GBF1: variants seen among roughly 807,000 people sequenced by gnomAD.
GBF1 encodes Golgi-specific brefeldin A-resistance guanine nucleotide exchange factor 1.
GBF1 carries 114 observed loss-of-function variants against 210.5 expected under a neutral mutation model. The ratio of observed to expected loss-of-function variants is 0.54; its 90% confidence interval spans 0.47 to 0.63. The LOEUF (loss-of-function observed/expected upper bound fraction) is 0.63. Ranked by LOEUF, GBF1 falls within the 30% of genes least tolerant of loss-of-function variation. The pLI is 0.00. For synonymous variants in GBF1, 850 were observed against 889.2 expected (o/e 0.96, Z 0.78); for missense variants, 1,851 against 2,357.7 (o/e 0.79, Z 4.45).
chr10:102,352,890 C>T (rs1329484509), intron 7 of GBF1, among the ~76,000 whole-genome samples: 3 of 152,110 alleles, frequency 2.0e-5, no homozygotes, highest in African/African-American at 7.2e-5. Flanking sequence ...TTGTGAATTG[C>T]CTGGGACTGT....
At chr10:102,370,343 T>G (rs1368162595) in intron 27 of GBF1, 41 bp from the exon 28 acceptor site, 1 of 1,527,412 alleles carries the variant, frequency 6.5e-7, no homozygotes, top group Middle Eastern at 1.7e-4. Flanking sequence ...AGTGGTTGGC[T>G]TCTTTTCCAT....
chr10:102,324,643 G>C (rs1380511047), intron 3 of GBF1, among the ~76,000 whole-genome samples: 1 of 152,096 alleles, frequency 6.6e-6, no homozygotes. Flanking sequence ...CTGGAGTGCA[G>C]TGGCGCAATC....
Position 102,370,209 on chromosome 10 carries a change from G to C in GBF1, c.3375G>C (p.Lys1125Asn). 6.2e-7 allele frequency: 1 copy of C among 1,612,980 alleles called. No homozygotes were observed. Among genetic ancestry groups the C allele is most frequent in the Non-Finnish European group, 8.5e-7 (1 of 1,179,022 alleles). The change falls in exon 27 of 40, where the codon AAG becomes AAC. Residue 1125 changes from lysine (K) to asparagine (N), a missense_variant. Transcript: ENST00000369983. ...CAGAAAAAATGATCACAGAAAGCAA[G>C]TTCCTCCAGCTGGAGTCACTACAGG... ...CDPEKMITES[K>N]FLQLESLQEL...
At chr10:102,310,911 G>A (rs2078361967) in intron 3 of GBF1, among the ~76,000 whole-genome samples, 1 of 152,208 alleles carries the variant, frequency 6.6e-6, no homozygotes, top group Non-Finnish European at 1.5e-5. Context: ...AGCATTCCTG[G>A]AGCCTGATGC....
At chr10:102,352,627 C>A in intron 7 of GBF1, 109 bp downstream of exon 7, 1 of 753,502 alleles carries the variant, frequency 1.3e-6, no homozygotes, top group Non-Finnish European at 2.4e-6. Context: ...GCATCAGAGG[C>A]CACTGGGATT....
At chr10:102,230,751 C>T in the GBF1 span, 1 of 1,488,506 alleles carries the variant, frequency 6.7e-7, no homozygotes. Flanking sequence ...CCGGAGCCAG[C>T]CCGGGGGGGC....
At chr10:102,297,618 C>T (rs1241564646) in intron 3 of GBF1, among the ~76,000 whole-genome samples, 1 of 152,120 alleles carries the variant, frequency 6.6e-6, no homozygotes, top group East Asian at 1.9e-4. Flanking sequence ...CCTTCTTATA[C>T]TACTCCTGTT....
chr10:102,296,581 A>G (rs899922433), intron 3 of GBF1, among the ~76,000 whole-genome samples: 3 of 152,096 alleles, frequency 2.0e-5, no homozygotes, highest in South Asian at 2.1e-4. Context: ...CATCTCTACT[A>G]AAAAGACAAA....
the GBF1 span, chr10:102,231,937 G>T: frequency 1.3e-6 from 2 of 1,580,030 alleles, no homozygotes; most frequent in Non-Finnish European, 8.7e-7. Flanking sequence ...GTTATGTCCT[G>T]CACCCCCGGA....
At chr10:102,373,566 A>G (rs1400803760) in intron 29 of GBF1, among the ~76,000 whole-genome samples, 4 of 152,204 alleles carry the variant, frequency 2.6e-5, no homozygotes, top group African/African-American at 9.7e-5. Context: ...CAAGACTCCA[A>G]AAAATAAAAA....
At chr10:102,236,595 T>G in the GBF1 span, among the ~76,000 whole-genome samples, 7 of 152,042 alleles carry the variant, frequency 4.6e-5, no homozygotes, top group African/African-American at 1.5e-4. Flanking sequence ...CCAGGACATA[T>G]GAAGGTGGAG....
chr10:102,371,648 G>A (rs1007496905), intron 29 of GBF1, among the ~76,000 whole-genome samples: 1 of 152,184 alleles, frequency 6.6e-6, no homozygotes, highest in Non-Finnish European at 1.5e-5. Context: ...CTCTCTCTGG[G>A]CCGGTTGCTG....
chr10:102,330,490 C>G (rs1010589698), intron 3 of GBF1, among the ~76,000 whole-genome samples: 1 of 152,050 alleles, frequency 6.6e-6, no homozygotes, highest in Non-Finnish European at 1.5e-5. Flanking sequence ...TCAAGACCAG[C>G]CTGGCCAACA....
chr10:102,243,863 C>T (rs2070619000), upstream of GBF1, among the ~76,000 whole-genome samples: 1 of 152,124 alleles, frequency 6.6e-6, no homozygotes, highest in African/African-American at 2.4e-5. Context: ...GGTGTGGTGG[C>T]TCACACCTGT....
At chr10:102,317,901 T>TTTTTA (rs59131558) in intron 3 of GBF1, among the ~76,000 whole-genome samples, 51,062 of 151,020 alleles carry the variant, frequency 0.34, 8,995 homozygotes, top group South Asian at 0.48. Context: ...TATTTATTTA[T>TTTTTA]TTTTATTTAT....
intron 1 of GBF1, among the ~76,000 whole-genome samples, chr10:102,250,759 C>T (rs1447421496): frequency 2.0e-5 from 3 of 152,032 alleles, no homozygotes; most frequent in African/African-American, 7.2e-5. Flanking sequence ...GAGTTAAAGG[C>T]CAGCCTGGCC....
rs1268797835 is a variant in GBF1 at position 102,351,447 on chromosome 10, CA to C, written c.414+74del. On this transcript the variant is annotated intron_variant, in intron 5 of 39. Coordinates refer to ENST00000369983, the MANE Select transcript of GBF1 (RefSeq NM_001377137.1). ...CCGCAGACTCTACTTACTCTGCCCACAGCATGAAACTGTGTTTTGACTCCAC... is the reference window on the plus strand; with the variant it reads ...CCGCAGACTCTACTTACTCTGCCCACGCATGAAACTGTGTTTTGACTCCAC... The C allele has an allele frequency of 8.1e-6, 7 of 862,682 alleles. No homozygotes were observed. In the African/African-American group the frequency reaches 1.2e-4, roughly 14 times the overall value. 53.4% of individuals were successfully genotyped at this position (862,682 alleles called of 1,614,324 possible).
At chr10:102,287,844 T>A (rs2076090700) in intron 3 of GBF1, among the ~76,000 whole-genome samples, 1 of 152,172 alleles carries the variant, frequency 6.6e-6, no homozygotes, top group African/African-American at 2.4e-5. Flanking sequence ...CATAAAGATG[T>A]AATCACTGGG....
intron 3 of GBF1, among the ~76,000 whole-genome samples, chr10:102,296,325 A>G (rs1363331737): frequency 6.6e-6 from 1 of 151,892 alleles, no homozygotes; most frequent in Non-Finnish European, 1.5e-5. Context: ...AACCTTGACT[A>G]TTTTTTTTAG....
Sources: allele counts gnomAD v4.1 joint callset (sites outside exome capture counted in the v4.1 genomes callset), GRCh38; gene constraint gnomAD v4.1.1; transcripts MANE v1.5; gene names NCBI Gene and HGNC (gene_info 2026-07-23, HGNC 2026-07-21).